The following EEFSEC variants were observed in gnomAD, a reference collection of about 807,000 sequenced individuals.
EEFSEC encodes selenocysteine-specific elongation factor.
Under a neutral mutation model 42.1 loss-of-function variants are expected in EEFSEC, and 43 were observed. The observed-to-expected ratio is 1.02, with a 90% CI of 0.80 to 1.32. The LOEUF (loss-of-function observed/expected upper bound fraction) is 1.32, where lower values mean the gene tolerates loss of function less well. EEFSEC is among the 40% of genes most tolerant of loss of function. The pLI, the probability that EEFSEC is intolerant of heterozygous loss-of-function variation, is 0.00. For synonymous variants in EEFSEC, 354 were observed against 339.1 expected (o/e 1.04, Z -0.48); for missense variants, 745 against 803.6 (o/e 0.93, Z 0.88).
chr3:128,286,944 C>G (rs1043578359), intron 4 of EEFSEC, among the ~76,000 whole-genome samples: 1 of 152,216 alleles, frequency 6.6e-6, no homozygotes, highest in Non-Finnish European at 1.5e-5. Flanking sequence ...AGGCTTGCCT[C>G]CTTGCTTGTC....
At chr3:128,378,075 T>C (rs1047575619) in intron 6 of EEFSEC, among the ~76,000 whole-genome samples, 1 of 152,184 alleles carries the variant, frequency 6.6e-6, no homozygotes, top group Admixed American at 6.5e-5. Flanking sequence ...TCTGCCAAAA[T>C]TTCCCACTTC....
At position 128,264,671 on chromosome 3, in the gene EEFSEC, A is replaced by G. The variant is rs2066333914; in HGVS notation, c.676A>G (p.Met226Val). The G allele has an allele frequency of 6.2e-7, 1 of 1,613,768 alleles. No individual in the cohort carries two copies. Among genetic ancestry groups the G allele is most frequent in the Non-Finnish European group, 8.5e-7 (1 of 1,179,908 alleles). ...GAGAGATCCCTCGGGACCGTTCCTC[A>G]TGTCTGTGGACCACTGTTTCTCCAT... ...PTRDPSGPFL[M>V]SVDHCFSIKG... Residue 226 changes from methionine to valine, a missense_variant, in exon 4 of 7, where the codon ATG (methionine) becomes GTG (valine). Physicochemically the swap from Met to Val is conservative, Grantham distance 21 (BLOSUM62 1). Coordinates refer to ENST00000254730, the MANE Select transcript of EEFSEC (RefSeq NM_021937.5).
the EEFSEC span, among the ~76,000 whole-genome samples, chr3:128,421,236 G>C: frequency 6.6e-6 from 1 of 152,246 alleles, no homozygotes; most frequent in Non-Finnish European, 1.5e-5. Context: ...GAGGCCTGGA[G>C]CCTGCACAAC....
downstream of EEFSEC, among the ~76,000 whole-genome samples, chr3:128,411,089 GT>G (rs2068170740): frequency 6.6e-6 from 1 of 152,238 alleles, no homozygotes; most frequent in Non-Finnish European, 1.5e-5. Context: ...AAACCCGAGC[GT>G]CCATTAGTGG....
intron 6 of EEFSEC, among the ~76,000 whole-genome samples, chr3:128,380,684 C>T (rs1056567216): frequency 1.3e-5 from 2 of 152,216 alleles, no homozygotes; most frequent in Admixed American, 6.5e-5. Flanking sequence ...TTCTGGTCAG[C>T]GGTTCTGGTT....
chr3:128,279,820 C>A (rs1576603100), intron 4 of EEFSEC, among the ~76,000 whole-genome samples: 1 of 152,200 alleles, frequency 6.6e-6, no homozygotes, highest in Non-Finnish European at 1.5e-5. Context: ...AATTCCTATG[C>A]CAGCCTTCTC....
intron 1 of EEFSEC, among the ~76,000 whole-genome samples, chr3:128,201,835 C>T (rs559455274): frequency 1.3e-5 from 2 of 152,280 alleles, no homozygotes; most frequent in South Asian, 2.1e-4. Context: ...ATGACATTAG[C>T]GTTTGCATTT....
chr3:128,318,461 C>A (rs576816216), intron 4 of EEFSEC, among the ~76,000 whole-genome samples: 3 of 152,322 alleles, frequency 2.0e-5, no homozygotes, highest in African/African-American at 7.2e-5. Context: ...CCACCCGTTC[C>A]TGCTCCAGCA....
intron 1 of EEFSEC, among the ~76,000 whole-genome samples, chr3:128,220,282 A>T (rs533510579): frequency 5.6e-4 from 86 of 152,356 alleles, no homozygotes; most frequent in African/African-American, 2.0e-3. Flanking sequence ...TGAATTGAAC[A>T]CTTTGCTTCT....
At chr3:128,287,970 C>G (rs112246868) in intron 4 of EEFSEC, among the ~76,000 whole-genome samples, 26 of 150,914 alleles carry the variant, frequency 1.7e-4, no homozygotes, top group African/African-American at 5.9e-4. Context: ...CCGCCCCCCC[C>G]AAAAAACTCT....
chr3:128,207,553 C>T (rs1244059977), intron 1 of EEFSEC, among the ~76,000 whole-genome samples: 1 of 137,088 alleles, frequency 7.3e-6, no homozygotes, highest in East Asian at 2.2e-4. Flanking sequence ...CCCTCTCCCA[C>T]AGACACATTG....
intron 6 of EEFSEC, among the ~76,000 whole-genome samples, chr3:128,404,076 T>A (rs1214842943): frequency 6.6e-6 from 1 of 152,334 alleles, no homozygotes; most frequent in Admixed American, 6.5e-5. Flanking sequence ...AGAGTCTGGC[T>A]GGGTGGGTAG....
intron 1 of EEFSEC, among the ~76,000 whole-genome samples, chr3:128,229,326 C>G (rs1266875632): frequency 6.6e-6 from 1 of 152,204 alleles, no homozygotes; most frequent in Non-Finnish European, 1.5e-5. Flanking sequence ...AGTGCTCTCC[C>G]CACGTGGCCC....
downstream of EEFSEC, among the ~76,000 whole-genome samples, chr3:128,410,032 C>G (rs964101031): frequency 3.3e-4 from 50 of 152,360 alleles, no homozygotes; most frequent in African/African-American, 1.2e-3. Flanking sequence ...GGGCTTCAGT[C>G]AGCACCGAGC....
chr3:128,391,628 C>T (rs895688806), intron 6 of EEFSEC, among the ~76,000 whole-genome samples: 1 of 152,224 alleles, frequency 6.6e-6, no homozygotes, highest in East Asian at 1.9e-4. Context: ...GGGCTCTTCT[C>T]TCTCAGCACA....
chr3:128,352,275 C>G (rs370492668), intron 5 of EEFSEC, among the ~76,000 whole-genome samples: 14 of 152,302 alleles, frequency 9.2e-5, no homozygotes, highest in East Asian at 3.9e-4. Flanking sequence ...GAGCTGTCTC[C>G]CTCTTTCTAG....
chr3:128,303,505 T>C (rs1442167015), intron 4 of EEFSEC, among the ~76,000 whole-genome samples: 2 of 152,236 alleles, frequency 1.3e-5, no homozygotes, highest in Non-Finnish European at 2.9e-5. Context: ...TTATTGTCCA[T>C]TTGCATTTCA....
the EEFSEC span, among the ~76,000 whole-genome samples, chr3:128,418,079 G>A: frequency 6.6e-6 from 1 of 152,008 alleles, no homozygotes; most frequent in Non-Finnish European, 1.5e-5. Context: ...TCTAGGATGT[G>A]GCCGGCACCT....
At chr3:128,370,766 T>C (rs1051137989) in intron 6 of EEFSEC, among the ~76,000 whole-genome samples, 2 of 152,208 alleles carry the variant, frequency 1.3e-5, no homozygotes, top group Non-Finnish European at 1.5e-5. Context: ...GTGGAGATGT[T>C]ACAGAAAGGA....
Sources: gnomAD v4.1 joint callset for allele counts (sites outside exome capture counted in the v4.1 genomes callset) on GRCh38, gnomAD v4.1.1 for gene constraint, MANE v1.5 for transcripts, NCBI Gene and HGNC (gene_info 2026-07-23, HGNC 2026-07-21) for gene names.